Variants in ADGRL2 observed in about 807,000 individuals in gnomAD.
The protein encoded by ADGRL2 is adhesion G protein-coupled receptor L2.
In ADGRL2, 44 loss-of-function variants were observed where a neutral mutation model predicts 157.4. The ratio of observed to expected loss-of-function variants is 0.28; its 90% CI spans 0.22 to 0.36. The LOEUF (loss-of-function observed/expected upper bound fraction) is 0.36. Among genes scored for constraint, ADGRL2 ranks in the 10% least tolerant of loss-of-function variants. The probability of loss-of-function intolerance (pLI) is 1.00; values close to 1 mark genes in which losing one functional copy is unlikely to be tolerated. For missense variants in ADGRL2, 1,510 were observed against 1,768.9 expected, an observed-to-expected ratio of 0.85 and a Z score of 2.63; for synonymous variants, 585 against 624.7, an observed-to-expected ratio of 0.94 and a Z score of 0.95.
chr1:81,680,269 A>G (rs1292449275), intron 3 of ADGRL2, among the ~76,000 whole-genome samples: 4 of 152,212 alleles, frequency 2.6e-5, no homozygotes, highest in Non-Finnish European at 5.9e-5. Context: ...GTAGAAACAC[A>G]GAGGAGTTCA....
chr1:81,413,637 G>T (rs1264750483), intron 1 of ADGRL2, among the ~76,000 whole-genome samples: 1 of 152,244 alleles, frequency 6.6e-6, no homozygotes, highest in Non-Finnish European at 1.5e-5. Flanking sequence ...ACTTATCAGG[G>T]TTTAAAAATA....
chr1:81,980,868 T>C (rs754465470), intron 18 of ADGRL2: 5 of 650,784 alleles, frequency 7.7e-6, no homozygotes, highest in African/African-American at 7.2e-5. Context: ...TTAACAAATT[T>C]ATGGCATGAT....
At chr1:81,707,412 G>A (rs549377850) in intron 1 of ADGRL2, among the ~76,000 whole-genome samples, 2 of 152,072 alleles carry the variant, frequency 1.3e-5, no homozygotes, top group East Asian at 1.9e-4. Context: ...TTCTTGTTTT[G>A]TGTGGCCTGC....
chr1:81,320,757 T>G (rs138669411), intron 1 of ADGRL2, among the ~76,000 whole-genome samples: 1 of 152,240 alleles, frequency 6.6e-6, no homozygotes, highest in East Asian at 1.9e-4. Flanking sequence ...ATTTCATTTA[T>G]AGGGCACAGA....
At position 81,943,669 on chromosome 1, in the gene ADGRL2, T is replaced by C. The variant is rs1163479744; in HGVS notation, c.1110T>C (p.Ala370=). Residue 370 remains alanine (A), a synonymous_variant, in exon 6 of 24, where the codon GCT becomes GCC. Coordinates refer to ENST00000686636, the MANE Select transcript of ADGRL2 (RefSeq NM_001366006.2). This position sits in a 1 kb window ranked among gnomAD's most constrained non-coding sequence, Gnocchi z 5.6. The part of the protein sequence containing the change: ...VPFPNQYQYI[A]AVDYNPRDNQ... ...TCCCCAACCAGTATCAGTATATTGC[T>C]GCAGTGGATTACAATCCAAGAGATA... 1 of 1,613,550 alleles carries C rather than the reference T, an allele frequency of 6.2e-7. No homozygotes were observed.
chr1:81,343,532 C>T (rs1662243889), intron 1 of ADGRL2, among the ~76,000 whole-genome samples: 1 of 152,148 alleles, frequency 6.6e-6, no homozygotes, highest in Non-Finnish European at 1.5e-5. Context: ...TAACAAAATA[C>T]CACATGCTAA....
In ADGRL2 at chr1:81,437,302, CT is replaced by C. The variant is rs892812370; in HGVS notation, c.-301-7726del. ...ACTGTTTTTACAAAAAAAAGGAAAG[CT>C]TTTTTTTACACTAGGCAAACAGCAA... On this transcript the variant is annotated intron_variant, in intron 1 of 24. Coordinates refer to the ADGRL2 transcript ENST00000370721. 4.4e-3 allele frequency among the ~76,000 whole-genome samples: 669 copies of C among 151,932 alleles called. 4 individuals carry two copies. The highest frequency in any genetic ancestry group is 0.015 in the African/African-American group (614 of 41,436).
chr1:81,335,895 G>A (rs1477282539), intron 1 of ADGRL2, among the ~76,000 whole-genome samples: 1 of 151,780 alleles, frequency 6.6e-6, no homozygotes, highest in Non-Finnish European at 1.5e-5. Context: ...CCTTCATGGA[G>A]TTTACCAACC....
At chr1:81,610,380 CA>C (rs1169643588) in intron 3 of ADGRL2, among the ~76,000 whole-genome samples, 1 of 151,918 alleles carries the variant, frequency 6.6e-6, no homozygotes, top group African/African-American at 2.4e-5. Context: ...AAAGGAAGTG[CA>C]GAGGTTCAAA....
intron 1 of ADGRL2, among the ~76,000 whole-genome samples, chr1:81,706,627 G>C (rs2083747054): frequency 6.6e-6 from 1 of 152,110 alleles, no homozygotes; most frequent in Admixed American, 6.5e-5. Context: ...GGTGAGAAAA[G>C]GGCTAAGGAA....
At chr1:81,616,302 G>A (rs1570646976) in intron 3 of ADGRL2, among the ~76,000 whole-genome samples, 1 of 152,298 alleles carries the variant, frequency 6.6e-6, no homozygotes, top group East Asian at 1.9e-4. Context: ...CCCATCAACA[G>A]GTACCACACG....
chr1:81,814,667 G>A (rs1280546805), intron 1 of ADGRL2, among the ~76,000 whole-genome samples: 2 of 151,354 alleles, frequency 1.3e-5, no homozygotes, highest in South Asian at 4.2e-4. Context: ...AACAATATTA[G>A]TGTCATTTTG....
At chr1:81,932,495 A>G (rs2095247520) in intron 3 of ADGRL2, among the ~76,000 whole-genome samples, 1 of 152,194 alleles carries the variant, frequency 6.6e-6, no homozygotes, top group Non-Finnish European at 1.5e-5. Context: ...TAAGTTTTAT[A>G]GAGCAAAATC....
chr1:81,855,840 G>A (rs1463969561), intron 2 of ADGRL2, among the ~76,000 whole-genome samples: 1 of 152,114 alleles, frequency 6.6e-6, no homozygotes, highest in African/African-American at 2.4e-5. Context: ...AAGAATGAGA[G>A]ACTAGAAAAA....
chr1:81,865,193 C>T (rs2093504747), intron 2 of ADGRL2, among the ~76,000 whole-genome samples: 1 of 152,094 alleles, frequency 6.6e-6, no homozygotes. Flanking sequence ...AAAGCTGTAA[C>T]CTTATTTTGT....
intron 2 of ADGRL2, among the ~76,000 whole-genome samples, chr1:81,541,766 A>T (rs1022810097): frequency 2.0e-5 from 3 of 149,598 alleles, no homozygotes; most frequent in Admixed American, 6.7e-5. Flanking sequence ...CCTGACCAAC[A>T]TGGAGAAACC....
intron 3 of ADGRL2, among the ~76,000 whole-genome samples, chr1:81,691,530 C>T (rs574595797): frequency 1.3e-5 from 2 of 151,856 alleles, no homozygotes; most frequent in East Asian, 1.9e-4. Context: ...CGGAGTTTCG[C>T]TCTTGTTGCC....
chr1:81,829,863 C>T (rs954977235), intron 1 of ADGRL2, among the ~76,000 whole-genome samples: 1 of 152,076 alleles, frequency 6.6e-6, no homozygotes, highest in Admixed American at 6.5e-5. Flanking sequence ...AACTTGAGAC[C>T]TAGATGCTTG....
At chr1:81,708,251 A>G (rs573674119) in intron 1 of ADGRL2, among the ~76,000 whole-genome samples, 1 of 152,324 alleles carries the variant, frequency 6.6e-6, no homozygotes, top group South Asian at 2.1e-4. Flanking sequence ...CGTGCTTCAC[A>G]TGCTTACTAA....
Sources: gnomAD v4.1 joint callset for allele counts (sites outside exome capture counted in the v4.1 genomes callset) on GRCh38, gnomAD v4.1.1 for gene constraint, Gnocchi (gnomAD v3.1) non-coding constraint, MANE v1.5 for transcripts, NCBI Gene and HGNC (gene_info 2026-07-23, HGNC 2026-07-21) for gene names.